The following SNTB1 variants were observed in gnomAD, a reference collection of about 807,000 sequenced individuals.
SNTB1 encodes the protein beta-1-syntrophin.
SNTB1 carries 36 observed loss-of-function variants against 48.9 expected under a neutral mutation model. The observed-to-expected ratio is 0.74, with a 90% confidence interval of 0.56 to 0.97. The LOEUF (loss-of-function observed/expected upper bound fraction) is 0.97. Among genes scored for constraint, SNTB1 ranks in the 50% least tolerant of loss-of-function variants. SNTB1 has a pLI of 0.00. For missense variants in SNTB1, 786 were observed against 703.4 expected (o/e 1.12, Z -1.33); for synonymous variants, 299 against 294.6 (o/e 1.01, Z -0.15).
intron 5 of SNTB1, among the ~76,000 whole-genome samples, chr8:120,545,710 G>T (rs554255066): frequency 5.3e-4 from 81 of 152,298 alleles, no homozygotes; most frequent in African/African-American, 1.9e-3. Flanking sequence ...ACTGCCCAGC[G>T]AAGTAGGCGT....
chr8:120,618,463 C>G (rs935256366), intron 3 of SNTB1, among the ~76,000 whole-genome samples: 18 of 152,204 alleles, frequency 1.2e-4, no homozygotes, highest in African/African-American at 4.1e-4. Flanking sequence ...TCCAGTGCAG[C>G]AAGGAACTTG....
chr8:120,773,489 G>A (rs887312142), intron 1 of SNTB1, among the ~76,000 whole-genome samples: 12 of 152,204 alleles, frequency 7.9e-5, no homozygotes, highest in African/African-American at 2.9e-4. Flanking sequence ...AACGTACCAG[G>A]CCTTATCCAT....
intron 1 of SNTB1, among the ~76,000 whole-genome samples, chr8:120,740,821 A>G (rs1022452812): frequency 1.3e-5 from 2 of 152,140 alleles, no homozygotes; most frequent in South Asian, 4.2e-4. Context: ...AAAAAGAAAA[A>G]GAAAAAACTT....
chr8:120,614,229 G>A (rs11992085), intron 3 of SNTB1, among the ~76,000 whole-genome samples: 66,662 of 152,126 alleles, frequency 0.44, 17,824 homozygotes, highest in Non-Finnish European at 0.62. Context: ...TGAGGCAGCT[G>A]AAACAAATTT....
chr8:120,583,549 ACACACACACAC>A (rs1563823667), intron 3 of SNTB1, among the ~76,000 whole-genome samples: 1 of 151,558 alleles, frequency 6.6e-6, no homozygotes, highest in Non-Finnish European at 1.5e-5. Context: ...ACACACACAC[ACACACACACAC>A]AAAACTGGAA....
At chr8:120,685,199 T>G (rs1818009324) in intron 2 of SNTB1, among the ~76,000 whole-genome samples, 1 of 152,228 alleles carries the variant, frequency 6.6e-6, no homozygotes. Context: ...GCTCTGCCCT[T>G]ATGGCTCTGC....
At chr8:120,758,960 G>A (rs11987168) in intron 1 of SNTB1, among the ~76,000 whole-genome samples, 9,225 of 151,920 alleles carry the variant, frequency 0.061, 926 homozygotes, top group African/African-American at 0.21. Context: ...TTATAGAGAC[G>A]GTGTCTTGCC....
At chr8:120,798,190 C>T (rs977683890) in intron 1 of SNTB1, among the ~76,000 whole-genome samples, 1 of 151,944 alleles carries the variant, frequency 6.6e-6, no homozygotes. Flanking sequence ...AGATTAGAAC[C>T]ACCTGGGGAA....
At chr8:120,641,021 G>A (rs1363307087) in intron 2 of SNTB1, among the ~76,000 whole-genome samples, 1 of 151,952 alleles carries the variant, frequency 6.6e-6, no homozygotes, top group African/African-American at 2.4e-5. Flanking sequence ...TTTTTTGGTT[G>A]GTAGGCCCAA....
chr8:120,672,147 G>C (rs1334689719), intron 2 of SNTB1, among the ~76,000 whole-genome samples: 1 of 152,130 alleles, frequency 6.6e-6, no homozygotes, highest in Non-Finnish European at 1.5e-5. Context: ...TAAGTGTTCT[G>C]AGCATGTTTA....
chr8:120,617,969 T>C (rs902421599), intron 3 of SNTB1, among the ~76,000 whole-genome samples: 5 of 152,266 alleles, frequency 3.3e-5, no homozygotes, highest in African/African-American at 9.6e-5. Context: ...AAAGGCAGTA[T>C]CACCTGAATA....
intron 1 of SNTB1, among the ~76,000 whole-genome samples, chr8:120,794,835 T>C (rs1196846654): frequency 2.6e-5 from 4 of 152,048 alleles, no homozygotes; most frequent in Admixed American, 2.6e-4. Context: ...TTCAGTCTTC[T>C]GAGAAGGACC....
At chr8:120,804,834 ACT>A (rs1820301083) in intron 1 of SNTB1, among the ~76,000 whole-genome samples, 1 of 151,876 alleles carries the variant, frequency 6.6e-6, no homozygotes, top group Admixed American at 6.5e-5. Context: ...TGAGGCCCAG[ACT>A]CTTTCTTAGG....
At chr8:120,615,112 C>T (rs7839237) in intron 3 of SNTB1, among the ~76,000 whole-genome samples, 123,031 of 151,848 alleles carry the variant, frequency 0.81, 50,880 homozygotes, top group Middle Eastern at 0.9. Context: ...GATTGCGCCA[C>T]TGCACTCCAG....
rs74455485 is a variant in SNTB1, at chr8:120,545,734, C to A, written c.1333+3028G>T. Among the ~76,000 whole-genome samples, 1,304 of 152,268 alleles carry A rather than the reference C, an allele frequency of 8.6e-3. 30 individuals are homozygous for A. The highest frequency in any genetic ancestry group is 0.03 in the African/African-American group (1,243 of 41,552). On this transcript the variant is annotated intron_variant, in intron 5 of 6. Transcript: ENST00000517992. ...CGAAGTAGGCGTTAGGCCCATGTGG[C>A]TGCTGAACACTTAAAATGTGGCAAG...
chr8:120,689,635 T>G (rs1818093114), intron 2 of SNTB1, among the ~76,000 whole-genome samples: 1 of 152,346 alleles, frequency 6.6e-6, no homozygotes, highest in East Asian at 1.9e-4. Flanking sequence ...TCTCTTCATA[T>G]TTAATGGATG....
chr8:120,755,750 A>G (rs1305390193), intron 1 of SNTB1, among the ~76,000 whole-genome samples: 1 of 152,160 alleles, frequency 6.6e-6, no homozygotes, highest in African/African-American at 2.4e-5. Context: ...TAAAGGTAAC[A>G]ACAGGTAACA....
intron 1 of SNTB1, among the ~76,000 whole-genome samples, chr8:120,718,042 T>A (rs1818592878): frequency 6.6e-6 from 1 of 152,206 alleles, no homozygotes. Flanking sequence ...TTGCTGGCTG[T>A]CTTTCTTCCC....
chr8:120,665,649 A>T (rs1166098777), intron 2 of SNTB1, among the ~76,000 whole-genome samples: 1 of 152,014 alleles, frequency 6.6e-6, no homozygotes, highest in Non-Finnish European at 1.5e-5. Context: ...CCTTTTCCAA[A>T]CTCAAATTCA....
Sources: allele counts gnomAD v4.1 joint callset (sites outside exome capture counted in the v4.1 genomes callset), GRCh38; gene constraint gnomAD v4.1.1; transcripts MANE v1.5; gene names NCBI Gene and HGNC (gene_info 2026-07-23, HGNC 2026-07-21).